Variants in SEMA3A observed in about 807,000 individuals in gnomAD.
The protein encoded by SEMA3A is semaphorin 3A.
Under a neutral mutation model 97.9 loss-of-function variants are expected in SEMA3A, and 29 were observed. The observed-to-expected ratio is 0.30, with a 90% CI of 0.22 to 0.40. The LOEUF (loss-of-function observed/expected upper bound fraction) is 0.40, where lower values mean the gene tolerates loss of function less well. Among genes scored for constraint, SEMA3A ranks in the 10% least tolerant of loss-of-function variants. The pLI is 1.00. For synonymous variants in SEMA3A, 321 were observed against 323.7 expected, an observed-to-expected ratio of 0.99 and a Z score of 0.09; for missense variants, 763 against 951.3, an observed-to-expected ratio of 0.80 and a Z score of 2.60.
chr7:83,967,742 A>G lies in SEMA3A; in HGVS notation c.1718-4395T>C, dbSNP rs1436475765. 2.0e-5 allele frequency among the ~76,000 whole-genome samples: 3 copies of G among 152,122 alleles called. No homozygotes were observed. The East Asian group carries it at 5.8e-4, about 29-fold the overall frequency. On this transcript the variant is annotated intron_variant, in intron 15 of 16. Coordinates refer to ENST00000265362, the MANE Select transcript of SEMA3A (RefSeq NM_006080.3). The stretch of plus-strand genomic sequence containing the variant: ...TGCACTCTAGCCTGGGTGACAGAGC[A>G]AGACTCAGTCTCAAAACAAACAAAC...
intron 1 of SEMA3A, among the ~76,000 whole-genome samples, chr7:84,477,008 T>C (rs1052198736): frequency 2.6e-5 from 4 of 150,960 alleles, no homozygotes; most frequent in Non-Finnish European, 4.4e-5. Context: ...TTACTTCTAG[T>C]TGTTCCTCTG....
At chr7:84,242,438 G>A (rs558034029) in intron 3 of SEMA3A, among the ~76,000 whole-genome samples, 1 of 152,080 alleles carries the variant, frequency 6.6e-6, no homozygotes, top group East Asian at 1.9e-4. Flanking sequence ...TCTATTATTG[G>A]TATAGGAATG....
chr7:84,116,767 C>T (rs1795446889), intron 3 of SEMA3A, among the ~76,000 whole-genome samples: 1 of 152,144 alleles, frequency 6.6e-6, no homozygotes, highest in South Asian at 2.1e-4. Flanking sequence ...AGAGAGGAGG[C>T]TCAGAGGAAC....
intron 15 of SEMA3A, among the ~76,000 whole-genome samples, chr7:83,966,401 G>A (rs2116269193): frequency 6.6e-6 from 1 of 152,136 alleles, no homozygotes; most frequent in East Asian, 1.9e-4. Flanking sequence ...ACCTAAATAA[G>A]GCAAGAACCA....
chr7:84,129,339 G>A (rs1035114651), intron 2 of SEMA3A, among the ~76,000 whole-genome samples, 154 bp from the exon 3 acceptor site: 6 of 152,160 alleles, frequency 3.9e-5, no homozygotes, highest in Admixed American at 6.6e-5. Context: ...TTCCAGTGGC[G>A]CCAGTTAATT....
At chr7:84,111,624 T>C (rs1795277990) in intron 3 of SEMA3A, among the ~76,000 whole-genome samples, 1 of 152,156 alleles carries the variant, frequency 6.6e-6, no homozygotes, top group Non-Finnish European at 1.5e-5. Context: ...GCCCTAAAAA[T>C]GAATGTGGCC....
chr7:84,145,179 TCTC>T (rs888197668), intron 1 of SEMA3A, among the ~76,000 whole-genome samples: 6 of 152,092 alleles, frequency 3.9e-5, no homozygotes, highest in African/African-American at 1.4e-4. Flanking sequence ...AAGTCAGCCT[TCTC>T]CTGTGAATTC....
intron 2 of SEMA3A, among the ~76,000 whole-genome samples, chr7:84,358,140 A>G (rs1802616553): frequency 6.6e-6 from 1 of 152,130 alleles, no homozygotes; most frequent in Non-Finnish European, 1.5e-5. Flanking sequence ...CTTTAGTTTA[A>G]TTTGATCCCA....
At chr7:84,475,140 C>A (rs1303880523) in intron 1 of SEMA3A, among the ~76,000 whole-genome samples, 1 of 152,062 alleles carries the variant, frequency 6.6e-6, no homozygotes, top group Non-Finnish European at 1.5e-5. Flanking sequence ...GGGAGTGGTA[C>A]AGCCCATCTC....
At chr7:84,382,069 T>A (rs1260694194) in intron 1 of SEMA3A, among the ~76,000 whole-genome samples, 1 of 152,088 alleles carries the variant, frequency 6.6e-6, no homozygotes, top group Non-Finnish European at 1.5e-5. Context: ...GTTGTAAAAA[T>A]TTTTAAAGTG....
intron 1 of SEMA3A, among the ~76,000 whole-genome samples, chr7:84,461,359 T>C (rs2116388356): frequency 6.6e-6 from 1 of 152,294 alleles, no homozygotes; most frequent in Non-Finnish European, 1.5e-5. Flanking sequence ...AAAGACAGGT[T>C]GTAACTTTTT....
rs1347984278 is a variant in SEMA3A, at chr7:84,160,270, TATCTATC to T, written c.113-25326_113-25320del. On this transcript the variant is annotated intron_variant, in intron 1 of 16. Coordinates refer to ENST00000265362, the MANE Select transcript of SEMA3A (RefSeq NM_006080.3). ...CTATCTATCTATCTATCTATCTATCTATCTATCGTTAGTTCGTTCTAAACTATGACAA... is the reference window on the plus strand; with the variant it reads ...CTATCTATCTATCTATCTATCTATCTGTTAGTTCGTTCTAAACTATGACAA... Among the ~76,000 whole-genome samples, 181 of 114,408 alleles carry T rather than the reference TATCTATC, an allele frequency of 1.6e-3. 1 individual carries two copies. Among genetic ancestry groups the T allele is most frequent in the Non-Finnish European group, 5.6e-4 (30 of 53,174 alleles). 75.1% of individuals were successfully genotyped at this position (114,408 alleles called of 152,430 possible).
intron 12 of SEMA3A, among the ~76,000 whole-genome samples, chr7:84,000,966 TA>T (rs543396701): frequency 2.6e-5 from 4 of 152,184 alleles, no homozygotes; most frequent in African/African-American, 9.6e-5. Flanking sequence ...ATTTTATAGG[TA>T]AACTACCACA....
rs868824333 is a variant in SEMA3A at position 83,961,577 on chromosome 7, T to C, written c.2110A>G (p.Arg704Gly). Residue 704 changes from arginine to glycine, a missense_variant, in exon 17 of 17, where the codon AGA becomes GGA. Arg to Gly is a moderately radical substitution (Grantham distance 125, BLOSUM62 -2). Transcript: ENST00000265362. ...TGGTTGATGAGCTGCATGAAGTCTCTGTACCAGACCTTCTGGCTAGGTGTC... is the reference window on the plus strand; with the variant it reads ...TGGTTGATGAGCTGCATGAAGTCTCCGTACCAGACCTTCTGGCTAGGTGTC... ...SMTPSQKVWY[R>G]DFMQLINHPN... 10 of 1,614,024 alleles carry C rather than the reference T, an allele frequency of 6.2e-6. No individual in the cohort carries two copies. The Middle Eastern group carries it at 9.9e-4, about 159-fold the overall frequency.
At chr7:84,334,899 T>C (rs1802000348) in intron 2 of SEMA3A, among the ~76,000 whole-genome samples, 1 of 149,070 alleles carries the variant, frequency 6.7e-6, no homozygotes, top group South Asian at 2.2e-4. Context: ...CCTCATTTTC[T>C]ACTTAGACTA....
intron 1 of SEMA3A, among the ~76,000 whole-genome samples, chr7:84,487,212 C>T (rs561545887): frequency 1.2e-4 from 19 of 152,136 alleles, no homozygotes; most frequent in African/African-American, 3.9e-4. Context: ...ATTTTGGCTG[C>T]CTGCAAATCC....
chr7:84,465,293 C>G (rs1805960957), intron 1 of SEMA3A, among the ~76,000 whole-genome samples: 1 of 152,084 alleles, frequency 6.6e-6, no homozygotes, highest in African/African-American at 2.4e-5. Context: ...TGGCAAAGAT[C>G]CTCATTCATA....
At chr7:84,424,552 ATT>A (rs1470175579) in intron 1 of SEMA3A, among the ~76,000 whole-genome samples, 8,100 of 64,012 alleles carry the variant, frequency 0.13, 1,026 homozygotes, top group African/African-American at 0.31. Flanking sequence ...ATTAATATAT[ATT>A]ATATATAATA....
At chr7:84,416,382 G>C (rs1393535624) in intron 1 of SEMA3A, among the ~76,000 whole-genome samples, 1 of 152,094 alleles carries the variant, frequency 6.6e-6, no homozygotes, top group African/African-American at 2.4e-5. Context: ...GGAACTGTAA[G>C]TCCAATTAAA....
Sources: gnomAD v4.1 joint callset for allele counts (sites outside exome capture counted in the v4.1 genomes callset) on GRCh38, gnomAD v4.1.1 for gene constraint, MANE v1.5 for transcripts, NCBI Gene and HGNC (gene_info 2026-07-23, HGNC 2026-07-21) for gene names.